The following MAPK10 variants were observed in gnomAD, a reference collection of about 807,000 sequenced individuals.
The protein encoded by MAPK10 is mitogen-activated protein kinase 10.
Under a neutral mutation model 59.3 loss-of-function variants are expected in MAPK10, and 25 were observed. The observed-to-expected ratio is 0.42, with a 90% CI of 0.31 to 0.59. The LOEUF is 0.59. Ranked by LOEUF, MAPK10 falls within the 20% of genes least tolerant of loss-of-function variation. MAPK10 has a pLI of 0.15. For synonymous variants in MAPK10, 190 were observed against 200.5 expected, an observed-to-expected ratio of 0.95 and a Z score of 0.44; for missense variants, 351 against 568.9, an observed-to-expected ratio of 0.62 and a Z score of 3.90.
chr4:86,444,499 A>G (rs1564879656), intron 1 of MAPK10, among the ~76,000 whole-genome samples: 1 of 152,224 alleles, frequency 6.6e-6, no homozygotes. Context: ...CATTCAGGAC[A>G]TAAGCAAGGG....
intron 1 of MAPK10, among the ~76,000 whole-genome samples, chr4:86,492,135 G>T (rs182489129): frequency 1.9e-4 from 29 of 152,298 alleles, no homozygotes; most frequent in Non-Finnish European, 4.1e-4. Context: ...ATTGGAGTAT[G>T]TGAGTTTTTT....
chr4:86,295,268 C>T (rs895746667), intron 2 of MAPK10, among the ~76,000 whole-genome samples: 1 of 152,208 alleles, frequency 6.6e-6, no homozygotes, highest in African/African-American at 2.4e-5. Context: ...TCCCAGATCT[C>T]TATTTTACTT....
chr4:86,112,979 C>CTTT (rs532811754), intron 4 of MAPK10, among the ~76,000 whole-genome samples: 2 of 146,028 alleles, frequency 1.4e-5, no homozygotes, highest in Admixed American at 6.9e-5. Context: ...CCTTCTTTGT[C>CTTT]TTTTTTTTTT....
chr4:86,360,202 G>A, upstream of MAPK10: 1 of 985,934 alleles, frequency 1.0e-6, no homozygotes, highest in Non-Finnish European at 1.2e-6. Context: ...TGCAGCTACA[G>A]CTACTGTGTT....
chr4:86,187,126 C>T (rs2078432342), intron 3 of MAPK10, among the ~76,000 whole-genome samples: 1 of 151,348 alleles, frequency 6.6e-6, no homozygotes, highest in African/African-American at 2.5e-5. Context: ...AGTAGTCTCC[C>T]CTTATATTCA....
chr4:86,498,019 G>A (rs1755017136), intron 1 of MAPK10, among the ~76,000 whole-genome samples: 1 of 152,174 alleles, frequency 6.6e-6, no homozygotes. Context: ...AGAAGCAACT[G>A]AGCATGCTGA....
intron 4 of MAPK10, among the ~76,000 whole-genome samples, chr4:86,158,704 T>C (rs1044406886): frequency 6.6e-6 from 1 of 151,686 alleles, no homozygotes; most frequent in Non-Finnish European, 1.5e-5. Context: ...TTTGCAAGAG[T>C]CTTAGGTAAA....
intron 1 of MAPK10, among the ~76,000 whole-genome samples, chr4:86,566,972 G>A (rs146847138): frequency 3.3e-5 from 5 of 152,146 alleles, no homozygotes; most frequent in Non-Finnish European, 7.4e-5. Flanking sequence ...CCAGGCAGCT[G>A]AGGTGGGAGG....
intron 1 of MAPK10, among the ~76,000 whole-genome samples, chr4:86,530,702 C>T (rs1249040589): frequency 1.3e-5 from 2 of 152,128 alleles, no homozygotes; most frequent in Non-Finnish European, 2.9e-5. Context: ...TAATCCCATT[C>T]CTGAAGGCTC....
chr4:86,120,271 T>A (rs1458598762), intron 4 of MAPK10: 1 of 152,260 alleles, frequency 6.6e-6, no homozygotes, highest in African/African-American at 2.4e-5. Flanking sequence ...CACTTTGTGC[T>A]TGGTAGACAC....
intron 6 of MAPK10, chr4:86,102,900 C>T (rs766168249): frequency 3.9e-5 from 9 of 229,680 alleles, no homozygotes; most frequent in Non-Finnish European, 5.1e-5. Flanking sequence ...ATAAGCCTTC[C>T]CTGAGTGACC....
At chr4:86,543,227 A>C (rs183643435) in intron 1 of MAPK10, among the ~76,000 whole-genome samples, 1 of 152,328 alleles carries the variant, frequency 6.6e-6, no homozygotes, top group African/African-American at 2.4e-5. Flanking sequence ...GAATTGAGCT[A>C]TAGGAATAAC....
At chr4:86,590,958 A>G (rs1763000880) in intron 1 of MAPK10, among the ~76,000 whole-genome samples, 1 of 152,210 alleles carries the variant, frequency 6.6e-6, no homozygotes, top group Non-Finnish European at 1.5e-5. Flanking sequence ...TTTTTTTTAG[A>G]GAAGGGATCT....
chr4:86,188,535 T>C (rs548577297), intron 3 of MAPK10, among the ~76,000 whole-genome samples: 1 of 152,376 alleles, frequency 6.6e-6, no homozygotes, highest in African/African-American at 2.4e-5. Flanking sequence ...GTTGTCTGCA[T>C]AAATGTCTTC....
chr4:86,464,907 AT>A (rs1393999615), intron 1 of MAPK10, among the ~76,000 whole-genome samples: 2 of 152,222 alleles, frequency 1.3e-5, no homozygotes, highest in Non-Finnish European at 2.9e-5. Flanking sequence ...AGGGAATCAA[AT>A]GGCTAATCGC....
At chr4:86,082,938 C>A (rs796219585) in intron 9 of MAPK10, among the ~76,000 whole-genome samples, 67 of 152,286 alleles carry the variant, frequency 4.4e-4, no homozygotes, top group African/African-American at 1.6e-3. Context: ...TGCTGTCAGG[C>A]AAAATACCTG....
chr4:86,111,688 CT>C (rs530710471), intron 4 of MAPK10, among the ~76,000 whole-genome samples: 5 of 151,762 alleles, frequency 3.3e-5, no homozygotes, highest in African/African-American at 4.8e-5. Flanking sequence ...CTGAAGTTTT[CT>C]TTTTTTTGTT....
At chr4:86,566,818 C>A (rs532431376) in intron 1 of MAPK10, among the ~76,000 whole-genome samples, 2 of 152,158 alleles carry the variant, frequency 1.3e-5, no homozygotes, top group South Asian at 4.2e-4. Flanking sequence ...ACCTATAATC[C>A]CAGCACTTTG....
intron 3 of MAPK10, among the ~76,000 whole-genome samples, chr4:86,170,555 A>G (rs1180974802): frequency 6.6e-6 from 1 of 152,052 alleles, no homozygotes. Flanking sequence ...CCAATACAGG[A>G]GCACCCAGAT....
Sources: allele counts gnomAD v4.1 joint callset (sites outside exome capture counted in the v4.1 genomes callset), GRCh38; gene constraint gnomAD v4.1.1; transcripts MANE v1.5; gene names NCBI Gene and HGNC (gene_info 2026-07-23, HGNC 2026-07-21).